SCN1A: variants seen among roughly 807,000 people sequenced by gnomAD.
SCN1A encodes the protein sodium channel protein type 1 subunit alpha.
SCN1A carries 13 observed loss-of-function variants against 193.7 expected under a neutral mutation model. The observed-to-expected ratio is 0.07, with a 90% CI of 0.04 to 0.11. The LOEUF is 0.11. Among genes scored for constraint, SCN1A ranks in the 10% least tolerant of loss-of-function variants. The pLI, the probability that SCN1A is intolerant of heterozygous loss-of-function variation, is 1.00. For missense variants in SCN1A, 1,432 were observed against 2,451.1 expected, an observed-to-expected ratio of 0.58 and a Z score of 8.78; for synonymous variants, 781 against 843.6, an observed-to-expected ratio of 0.93 and a Z score of 1.29.
chr2:166,051,638 A>C, intron 9 of SCN1A, 81 bp downstream of exon 9: 3 of 1,115,656 alleles, frequency 2.7e-6, no homozygotes, highest in Non-Finnish European at 3.9e-6. Flanking sequence ...TGGGATATCC[A>C]GCCCCTCAAG....
At chr2:166,095,174 T>C (rs748589464) in intron 2 of SCN1A, among the ~76,000 whole-genome samples, 11 of 152,188 alleles carry the variant, frequency 7.2e-5, no homozygotes, top group Non-Finnish European at 1.2e-4. Flanking sequence ...CTCCATACAA[T>C]TGAAGGCAGT....
chr2:166,125,667 G>T (rs928919372), intron 2 of SCN1A, among the ~76,000 whole-genome samples: 1 of 152,088 alleles, frequency 6.6e-6, no homozygotes, highest in Non-Finnish European at 1.5e-5. Context: ...TTTACTTTGG[G>T]TATCTAGTCG....
intron 19 of SCN1A, among the ~76,000 whole-genome samples, chr2:166,020,728 A>G (rs1002412669): frequency 6.6e-6 from 1 of 152,188 alleles, no homozygotes; most frequent in Non-Finnish European, 1.5e-5. Context: ...AGGTGTGAAT[A>G]TTTACTTTTT....
chr2:166,043,831 C>G lies in SCN1A; in HGVS notation c.1881G>C (p.Arg627Ser), dbSNP rs376049002. The change falls in exon 14 of 29, where the codon AGG (arginine) becomes AGC (serine). Residue 627 changes from arginine (R) to serine (S), a missense_variant. By Grantham distance (110) the Arg-to-Ser change is moderately radical. Coordinates refer to ENST00000674923, the MANE Select transcript of SCN1A (RefSeq NM_001165963.4). ...GAAACACTGCCAGCATCCGGGATGACCTACTGGTCTGACTCAGGTTGCTGT... is the reference window on the plus strand; with the variant it reads ...GAAACACTGCCAGCATCCGGGATGAGCTACTGGTCTGACTCAGGTTGCTGT... ...RRNSNLSQTS[R>S]SSRMLAVFPA... 1 of 1,614,210 alleles carries G rather than the reference C, an allele frequency of 6.2e-7. No individual in the cohort carries two copies. The highest frequency in any genetic ancestry group is 1.1e-5 in the South Asian group (1 of 91,084).
At chr2:165,995,957 A>C in intron 27 of SCN1A, 56 bp downstream of exon 27, 2 of 1,149,290 alleles carry the variant, frequency 1.7e-6, no homozygotes, top group Non-Finnish European at 2.6e-6. Flanking sequence ...TTTGTGAGAC[A>C]AGCATGCAAG....
At chr2:166,138,157 G>T (rs1386993132) in intron 1 of SCN1A, among the ~76,000 whole-genome samples, 1 of 152,178 alleles carries the variant, frequency 6.6e-6, no homozygotes, top group Non-Finnish European at 1.5e-5. Context: ...AAGGGAAACA[G>T]AGCATAAAAG....
chr2:165,994,566 G>T, intron 27 of SCN1A, 150 bp from the exon 28 acceptor site: 1 of 670,424 alleles, frequency 1.5e-6, no homozygotes, highest in Non-Finnish European at 2.5e-6. Flanking sequence ...CATATTAATT[G>T]TTAAAATTTA....
At chr2:166,124,347 G>A (rs138003290) in intron 2 of SCN1A, among the ~76,000 whole-genome samples, 1,857 of 151,846 alleles carry the variant, frequency 0.012, 42 homozygotes, top group African/African-American at 0.041. Context: ...TCAGGAGATC[G>A]AGACTAGCCG....
chr2:166,043,545 A>G lies in SCN1A; in HGVS notation c.2043+124T>C, dbSNP rs527346680. 60 of 1,035,896 alleles carry G rather than the reference A, an allele frequency of 5.8e-5. No homozygotes were observed. The African/African-American group carries it at 9.2e-4, about 16-fold the overall frequency. The allele number at this position is 1,035,896 out of a possible 1,614,324, so 64.2% of individuals were successfully genotyped here. A position where few individuals can be genotyped will look rare whatever the true frequency, so the allele number is the denominator to read the frequency against. ...TGGTTAGTCTATTAAAGATATTACA[A>G]GATGCAGGTGCATTCACAGCGTGAC... On this transcript the variant is annotated intron_variant, in intron 14 of 28. Coordinates refer to ENST00000674923, the MANE Select transcript of SCN1A (RefSeq NM_001165963.4).
chr2:166,035,624 C>T (rs1696226496), intron 19 of SCN1A, among the ~76,000 whole-genome samples: 1 of 152,146 alleles, frequency 6.6e-6, no homozygotes, highest in Non-Finnish European at 1.5e-5. Context: ...TTATAGCTTA[C>T]CCTAGTCTAC....
intron 19 of SCN1A, among the ~76,000 whole-genome samples, chr2:166,026,285 A>T (rs1191803790): frequency 1.3e-5 from 2 of 152,158 alleles, no homozygotes; most frequent in Non-Finnish European, 2.9e-5. Context: ...AAACCTTCAT[A>T]ACCAGTATAT....
chr2:166,054,248 T>C (rs1340415161), intron 7 of SCN1A, among the ~76,000 whole-genome samples: 1 of 152,084 alleles, frequency 6.6e-6, no homozygotes, highest in African/African-American at 2.4e-5. Flanking sequence ...GCAAGGTCAT[T>C]GCAAATTTGT....
intron 2 of SCN1A, among the ~76,000 whole-genome samples, chr2:166,089,122 A>G (rs1686479002): frequency 6.6e-6 from 1 of 152,024 alleles, no homozygotes. Flanking sequence ...GCACCCATCA[A>G]CCTGTCATCT....
chr2:166,081,214 C>T (rs485985), intron 2 of SCN1A, among the ~76,000 whole-genome samples: 148,606 of 151,954 alleles, frequency 0.98, 72,757 homozygotes, highest in Middle Eastern at 1. Flanking sequence ...ACCCATGAAG[C>T]CTTACAGTTA....
intron 24 of SCN1A, among the ~76,000 whole-genome samples, chr2:166,001,262 A>T (rs1307837797): frequency 6.6e-6 from 1 of 151,830 alleles, no homozygotes; most frequent in Non-Finnish European, 1.5e-5. Flanking sequence ...AGCTAGGATT[A>T]CAGGCATGAG....
intron 1 of SCN1A, among the ~76,000 whole-genome samples, chr2:166,144,986 A>G (rs1257323508): frequency 1.3e-5 from 2 of 151,320 alleles, no homozygotes; most frequent in Non-Finnish European, 2.9e-5. Context: ...TGAGTAGCGC[A>G]CCACCATGCC....
intron 1 of SCN1A, among the ~76,000 whole-genome samples, chr2:166,134,368 G>T (rs1029070705): frequency 2.6e-5 from 4 of 152,190 alleles, no homozygotes; most frequent in Admixed American, 2.0e-4. Flanking sequence ...AAGCAAAATG[G>T]AAGTGAGTGA....
At chr2:166,050,054 C>T (rs1041540550) in intron 9 of SCN1A, among the ~76,000 whole-genome samples, 3 of 151,878 alleles carry the variant, frequency 2.0e-5, no homozygotes, top group African/African-American at 7.3e-5. Flanking sequence ...ATTTTTATTT[C>T]TAATATTCTG....
At chr2:166,135,064 C>T (rs560003658) in intron 1 of SCN1A, among the ~76,000 whole-genome samples, 1 of 152,222 alleles carries the variant, frequency 6.6e-6, no homozygotes, top group Non-Finnish European at 1.5e-5. Context: ...AAACATAATG[C>T]TTGGGTTCTT....
Sources: allele counts gnomAD v4.1 joint callset (sites outside exome capture counted in the v4.1 genomes callset), GRCh38; gene constraint gnomAD v4.1.1; transcripts MANE v1.5; gene names NCBI Gene and HGNC (gene_info 2026-07-23, HGNC 2026-07-21).